CEP15: variants seen among roughly 807,000 people sequenced by gnomAD.
CEP15 encodes the protein centrosomal protein 15 kDa.
At chr3:62,330,242 C>G in the CEP15 span, among the ~76,000 whole-genome samples, 1 of 152,154 alleles carries the variant, frequency 6.6e-6, no homozygotes, top group East Asian at 1.9e-4. Context: ...CACCCCACTC[C>G]CACGCCCTTT....
At chr3:62,334,134 CTTCT>C in the CEP15 span, 1 of 151,712 alleles carries the variant, frequency 6.6e-6, no homozygotes, top group African/African-American at 2.4e-5. This position sits in a 1 kb window ranked among gnomAD's most constrained non-coding sequence, Gnocchi z 4.9. Context: ...TTCCCGCTTC[CTTCT>C]AATTTCATTA....
chr3:62,322,069 T>G, the CEP15 span: 507 of 1,597,774 alleles, frequency 3.2e-4, 1 homozygote, highest in African/African-American at 6.5e-3. The surrounding 1 kb of genome is among the most constrained non-coding windows in gnomAD (Gnocchi z 5.5). Flanking sequence ...TTTCCATGAC[T>G]TGAATATAGA....
At chr3:62,331,600 A>T in the CEP15 span, among the ~76,000 whole-genome samples, 1 of 152,150 alleles carries the variant, frequency 6.6e-6, no homozygotes, top group Non-Finnish European at 1.5e-5. Flanking sequence ...TTGATTTTAA[A>T]AAGTTTAGCA....
the CEP15 span, chr3:62,333,137 T>C: frequency 1.2e-6 from 1 of 839,438 alleles, no homozygotes; most frequent in African/African-American, 1.7e-5. This position sits in a 1 kb window ranked among gnomAD's most constrained non-coding sequence, Gnocchi z 4.0. Flanking sequence ...TATATGTGTG[T>C]GTGTGTGTGT....
At chr3:62,328,476 C>G in the CEP15 span, among the ~76,000 whole-genome samples, 20 of 152,294 alleles carry the variant, frequency 1.3e-4, no homozygotes, top group East Asian at 3.9e-3. Context: ...CCACCAACTA[C>G]ATAATAGTTA....
chr3:62,322,367 A>G, the CEP15 span: 2 of 206,978 alleles, frequency 9.7e-6, no homozygotes, highest in African/African-American at 2.3e-5. The surrounding 1 kb of genome is among the most constrained non-coding windows in gnomAD (Gnocchi z 5.5). Flanking sequence ...TCCATCTTTC[A>G]TCTTCTTTTA....
the CEP15 span, chr3:62,333,150 G>A: frequency 3.2e-5 from 29 of 903,758 alleles, no homozygotes; most frequent in African/African-American, 6.8e-5. The surrounding 1 kb of genome is among the most constrained non-coding windows in gnomAD (Gnocchi z 4.0). Context: ...GTGTGTGTGT[G>A]TATACACGCA....
chr3:62,330,266 G>A, the CEP15 span, among the ~76,000 whole-genome samples: 8 of 151,860 alleles, frequency 5.3e-5, no homozygotes, highest in Non-Finnish European at 7.4e-5. Flanking sequence ...ATCTCTCTCC[G>A]TCTGTCCAAC....
chr3:62,332,277 C>T, the CEP15 span, among the ~76,000 whole-genome samples: 1 of 152,156 alleles, frequency 6.6e-6, no homozygotes. Context: ...TCTTTCACAG[C>T]AGGATGACCT....
At chr3:62,326,508 G>C in the CEP15 span, among the ~76,000 whole-genome samples, 1 of 152,182 alleles carries the variant, frequency 6.6e-6, no homozygotes, top group Non-Finnish European at 1.5e-5. Flanking sequence ...AAGAGAAAGA[G>C]ATCTCAGCAT....
chr3:62,334,898 T>C, the CEP15 span: 2 of 151,998 alleles, frequency 1.3e-5, no homozygotes, highest in Non-Finnish European at 2.9e-5. The surrounding 1 kb of genome is among the most constrained non-coding windows in gnomAD (Gnocchi z 4.9). Context: ...CAGATTTAGA[T>C]GTAGTAGAAA....
At chr3:62,331,651 A>G in the CEP15 span, among the ~76,000 whole-genome samples, 2 of 152,126 alleles carry the variant, frequency 1.3e-5, no homozygotes, top group Admixed American at 6.6e-5. Context: ...TCACCTTGTC[A>G]CTTAGAAACA....
At chr3:62,327,163 C>T in the CEP15 span, among the ~76,000 whole-genome samples, 26 of 152,168 alleles carry the variant, frequency 1.7e-4, no homozygotes, top group African/African-American at 5.3e-4. Context: ...ACATCTCTGA[C>T]GTATCATTTT....
At chr3:62,321,322 T>C in the CEP15 span, among the ~76,000 whole-genome samples, 1 of 152,224 alleles carries the variant, frequency 6.6e-6, no homozygotes, top group Non-Finnish European at 1.5e-5. This position sits in a 1 kb window ranked among gnomAD's most constrained non-coding sequence, Gnocchi z 4.1. Flanking sequence ...ATTTTTTACA[T>C]CTTTCTTCAA....
chr3:62,335,180 A>G, the CEP15 span: 3 of 152,130 alleles, frequency 2.0e-5, no homozygotes, highest in African/African-American at 4.8e-5. Flanking sequence ...AAAATACAAA[A>G]CAAATGGCAA....
the CEP15 span, among the ~76,000 whole-genome samples, chr3:62,324,448 G>T: frequency 6.6e-6 from 1 of 152,220 alleles, no homozygotes; most frequent in East Asian, 1.9e-4. Context: ...TTTTGAGTTG[G>T]TAGACACTTT....
At chr3:62,329,345 A>G in the CEP15 span, among the ~76,000 whole-genome samples, 1 of 152,194 alleles carries the variant, frequency 6.6e-6, no homozygotes, top group Admixed American at 6.5e-5. Flanking sequence ...AGTAAGGGCT[A>G]GGAAGAAAGG....
chr3:62,333,480 T>C, the CEP15 span: 1 of 1,401,836 alleles, frequency 7.1e-7, no homozygotes, highest in Non-Finnish European at 9.6e-7. This position sits in a 1 kb window ranked among gnomAD's most constrained non-coding sequence, Gnocchi z 4.0. Flanking sequence ...GAATTAAATA[T>C]GTTCATATTC....
At chr3:62,327,313 A>G in the CEP15 span, among the ~76,000 whole-genome samples, 4 of 152,384 alleles carry the variant, frequency 2.6e-5, no homozygotes, top group South Asian at 2.1e-4. Flanking sequence ...GATGAAATTA[A>G]TAACATTTTA....
Sources: gnomAD v4.1 joint callset for allele counts (sites outside exome capture counted in the v4.1 genomes callset) on GRCh38, gnomAD v4.1.1 for gene constraint, Gnocchi (gnomAD v3.1) non-coding constraint, MANE v1.5 for transcripts, NCBI Gene and HGNC (gene_info 2026-07-23, HGNC 2026-07-21) for gene names.